The following MDC1 variants were observed in gnomAD, a reference collection of about 807,000 sequenced individuals.
MDC1 encodes mediator of DNA damage checkpoint protein 1.
A neutral mutation model predicts 142.5 loss-of-function variants in MDC1; 81 were observed. The ratio of observed to expected loss-of-function variants is 0.57; its 90% CI spans 0.47 to 0.68. The LOEUF (loss-of-function observed/expected upper bound fraction) is 0.68, where lower values mean the gene tolerates loss of function less well. MDC1 is among the 30% of genes least tolerant of loss of function. The pLI, the probability that MDC1 is intolerant of heterozygous loss-of-function variation, is 0.00. For missense variants in MDC1, 2,119 were observed against 2,547.9 expected (o/e 0.83, Z 3.62); for synonymous variants, 797 against 968.4 (o/e 0.82, Z 3.29).
chr6:30,707,329 T>C (rs749331948), intron 9 of MDC1, 55 bp downstream of exon 9: 6 of 1,526,058 alleles, frequency 3.9e-6, no homozygotes, highest in Non-Finnish European at 4.5e-6. Flanking sequence ...GAAAGAGCAT[T>C]GGAGAAGATA....
chr6:30,714,248 C>A, intron 2 of MDC1, 65 bp from the exon 3 acceptor site: 1 of 1,502,386 alleles, frequency 6.7e-7, no homozygotes, highest in Non-Finnish European at 8.9e-7. Flanking sequence ...GGAAAAAGTG[C>A]CTATTAGGTA....
chr6:30,712,518 G>C lies in MDC1; in HGVS notation c.1424C>G (p.Thr475Arg). ...TGCTCTAACAAGGGCTCTAATCTTT[G>C]TGTGATCCTTGAGGACAGCTTCTCT... is the stretch of plus-strand genomic sequence containing the variant. Reference protein sequence around the residue: ...ENREAVLKDHTKIRALVRAHS... With the variant: ...ENREAVLKDHRKIRALVRAHS... The change falls in exon 5 of 15, where the codon ACA (threonine) becomes AGA (arginine). Residue 475 changes from threonine to arginine, a missense_variant. By Grantham distance (71) the Thr-to-Arg change is moderately conservative. Transcript: ENST00000376406. The surrounding 1 kb of genome is among the most constrained non-coding windows in gnomAD (Gnocchi z 4.7). 9 of 1,612,994 alleles carry C rather than the reference G, an allele frequency of 5.6e-6. No individual in the cohort carries two copies. Among genetic ancestry groups the C allele is most frequent in the African/African-American group, 1.3e-5 (1 of 75,010 alleles).
rs780550450 is a variant in MDC1, at chr6:30,705,911, T to C, written c.3272A>G (p.Glu1091Gly). Reference sequence around the variant, plus strand: ...CTCCAGCTCTGAGGACAAGGGAGCCTCTGGAGCTTCCTGACTCCCATCTTG... The same window carrying C: ...CTCCAGCTCTGAGGACAAGGGAGCCCCTGGAGCTTCCTGACTCCCATCTTG... ...TRQDGSQEAP[E>G]APLSSELEPF... is the part of the protein sequence containing the mutation. Residue 1091 changes from glutamate (E) to glycine (G), a missense_variant, in exon 10 of 15, where the codon GAG (glutamate) becomes GGG (glycine). Coordinates refer to ENST00000376406, the MANE Select transcript of MDC1 (RefSeq NM_014641.3). 3 of 1,613,560 alleles carry C rather than the reference T, an allele frequency of 1.9e-6. No individual in the cohort carries two copies. Among genetic ancestry groups the C allele is most frequent in the Non-Finnish European group, 2.5e-6 (3 of 1,179,730 alleles).
rs1447078897 is a variant in MDC1, at chr6:30,702,573, T to C, written c.6082A>G (p.Ser2028Gly). 3 of 1,600,344 alleles carry C rather than the reference T, an allele frequency of 1.9e-6. No homozygotes were observed. Among genetic ancestry groups the C allele is most frequent in the Admixed American group, 3.5e-5 (2 of 57,880 alleles). ...ISCCGGTYLP[S>G]MPRSYKPQRV... ...CATACCTTATAGGACCGAGGCATGC[T>C]GGGTAGGTATGTGCCTCCACAGCAG... The change falls in exon 14 of 15, where the codon AGC (serine) becomes GGC (glycine). Residue 2028 changes from serine (S) to glycine (G), a missense_variant. Transcript: ENST00000376406.
Position 30,713,803 on chromosome 6 carries a change from C to T in MDC1, c.517G>A (p.Asp173Asn). ...TCTCCCTGCCAATATACAAACTTACCTACTTCCTCCTCCGAGTCCTCAGCC... is the reference window on the plus strand; with the variant it reads ...TCTCCCTGCCAATATACAAACTTACTTACTTCCTCCTCCGAGTCCTCAGCC... ...LLAEDSEEEV[D>N]FLSERRMVKK... Residue 173 changes from aspartate (D) to asparagine (N), a missense_variant and splice_region_variant, in exon 3 of 15, where the codon GAT (aspartate) becomes AAT (asparagine). Asp to Asn is a conservative substitution (Grantham distance 23). Transcript: ENST00000376406. This position sits in a 1 kb window ranked among gnomAD's most constrained non-coding sequence, Gnocchi z 4.9. 1 of 1,613,816 alleles carries T rather than the reference C, an allele frequency of 6.2e-7. No homozygotes were observed. Among genetic ancestry groups the T allele is most frequent in the Non-Finnish European group, 8.5e-7 (1 of 1,179,786 alleles).
In MDC1 at chr6:30,714,219, G is replaced by A. The variant is rs775946276; in HGVS notation, c.137-36C>T. On this transcript the variant is annotated intron_variant, in intron 2 of 14. Coordinates refer to ENST00000376406, the MANE Select transcript of MDC1 (RefSeq NM_014641.3). Reference sequence around the variant, plus strand: ...GAGAGGTAGATAAGCTCCAAGATCAGAGTCCTGGCCTGTCATTAGGAAAAA... The same window carrying A: ...GAGAGGTAGATAAGCTCCAAGATCAAAGTCCTGGCCTGTCATTAGGAAAAA... 6 of 1,576,964 alleles carry A rather than the reference G, an allele frequency of 3.8e-6. No homozygotes were observed. The East Asian group carries it at 1.3e-4, about 35-fold the overall frequency.
chr6:30,713,461 TTC>T lies in MDC1; in HGVS notation c.588-109_588-108del, dbSNP rs1775215894. On this transcript the variant is annotated intron_variant, in intron 4 of 14. Coordinates refer to ENST00000376406, the MANE Select transcript of MDC1 (RefSeq NM_014641.3). The surrounding 1 kb of genome is among the most constrained non-coding windows in gnomAD (Gnocchi z 4.9). Reference sequence around the variant, plus strand: ...GAGACACAAGGTAGCATATTTCTTCTTCTGTTTCCAATTTGTTTTCCACTTGG... The same window carrying T: ...GAGACACAAGGTAGCATATTTCTTCTTGTTTCCAATTTGTTTTCCACTTGG... 7.4e-7 allele frequency: 1 copy of T among 1,354,530 alleles called. No homozygotes were observed. Among genetic ancestry groups the T allele is most frequent in the Non-Finnish European group, 9.9e-7 (1 of 1,010,780 alleles). 83.9% of individuals were successfully genotyped at this position (1,354,530 alleles called of 1,614,324 possible).
At chr6:30,714,239 G>C in intron 2 of MDC1, 56 bp from the exon 3 acceptor site, 2 of 1,526,370 alleles carry the variant, frequency 1.3e-6, no homozygotes, top group South Asian at 2.5e-5. Flanking sequence ...CTGTCATTAG[G>C]AAAAAGTGCC....
At position 30,717,233 on chromosome 6, in the gene MDC1, C is replaced by G. The variant is rs562718106; in HGVS notation, c.-4+12G>C. The G allele has an allele frequency of 6.6e-6, 1 of 152,340 alleles. No homozygotes were observed. The highest frequency in any genetic ancestry group is 2.4e-5 in the African/African-American group (1 of 41,578). The allele number at this position is 152,340 out of a possible 1,614,324, so 9.4% of individuals were successfully genotyped here. ...CTCCCGGGGAGCCGTGGGCCAGGCC[C>G]CTAGAACTCACCTACTTTAAGTCCC... On this transcript the variant is annotated intron_variant, in intron 1 of 14. Coordinates refer to ENST00000376406, the MANE Select transcript of MDC1 (RefSeq NM_014641.3).
chr6:30,704,505 T>C lies in MDC1; in HGVS notation c.4678A>G (p.Thr1560Ala), dbSNP rs1389806268. 2 of 1,612,908 alleles carry C rather than the reference T, an allele frequency of 1.2e-6. No homozygotes were observed. The highest frequency in any genetic ancestry group is 2.2e-5 in the South Asian group (2 of 90,988). Residue 1560 changes from threonine to alanine, a missense_variant, in exon 10 of 15, where the codon ACA becomes GCA. Transcript: ENST00000376406. ...EPTSRATRGR[T>A]NRSSVKTPES... ...GGGGTCTTGACAGAGGACCTATTTG[T>C]CCTGCCCCTAGTGGCCCGAGATGTG...
In MDC1 at chr6:30,713,792, T is replaced by G; in HGVS notation, c.517+11A>C. On this transcript the variant is annotated intron_variant, in intron 3 of 14. Coordinates refer to ENST00000376406, the MANE Select transcript of MDC1 (RefSeq NM_014641.3). The surrounding 1 kb of genome is among the most constrained non-coding windows in gnomAD (Gnocchi z 4.9). ...TGTCTCCTCATTCTCCCTGCCAATATACAAACTTACCTACTTCCTCCTCCG... is the reference window on the plus strand; with the variant it reads ...TGTCTCCTCATTCTCCCTGCCAATAGACAAACTTACCTACTTCCTCCTCCG... The G allele has an allele frequency of 6.2e-7, 1 of 1,613,824 alleles. No individual in the cohort carries two copies. Among genetic ancestry groups the G allele is most frequent in the Non-Finnish European group, 8.5e-7 (1 of 1,179,740 alleles).
chr6:30,706,102 G>A lies in MDC1; in HGVS notation c.3085-4C>T. 6.4e-7 allele frequency: 1 copy of A among 1,555,684 alleles called. No homozygotes were observed. Among genetic ancestry groups the A allele is most frequent in the Non-Finnish European group, 8.6e-7 (1 of 1,160,990 alleles). On this transcript the variant is annotated splice_polypyrimidine_tract_variant and splice_region_variant and intron_variant, in intron 9 of 14. Coordinates refer to ENST00000376406, the MANE Select transcript of MDC1 (RefSeq NM_014641.3). ...CATCTGGAGATTCCTGATCGCCCTA[G>A]GGAGAAACAGAAGCAAGTGAGGGGG...
chr6:30,710,348 C>T (rs1423380516), intron 7 of MDC1, among the ~76,000 whole-genome samples: 1 of 152,194 alleles, frequency 6.6e-6, no homozygotes, highest in African/African-American at 2.4e-5. Context: ...TTCGGCTTCC[C>T]AAAGTGCTGG....
At chr6:30,714,259 C>A in intron 2 of MDC1, 76 bp from the exon 3 acceptor site, 1 of 1,438,224 alleles carries the variant, frequency 7.0e-7, no homozygotes. Context: ...CTATTAGGTA[C>A]TCTACTACTC....
In MDC1 at chr6:30,707,774, C is replaced by G; in HGVS notation, c.2805G>C (p.Glu935Asp). The G allele has an allele frequency of 6.2e-7, 1 of 1,613,138 alleles. No homozygotes were observed. Among genetic ancestry groups the G allele is most frequent in the Non-Finnish European group, 8.5e-7 (1 of 1,180,040 alleles). Residue 935 changes from glutamate to aspartate, a missense_variant, in exon 8 of 15, where the codon GAG becomes GAC. Transcript: ENST00000376406. ...NRECDPAELE[E>D]KVPKVILERD... Reference sequence around the variant, plus strand: ...TCTCCAGGATCACTTTGGGCACCTTCTCTTCTAACTCGGCTGGATCGCACT... The same window carrying G: ...TCTCCAGGATCACTTTGGGCACCTTGTCTTCTAACTCGGCTGGATCGCACT...
rs1477826307 is a variant in MDC1, at chr6:30,713,760, T to C, written c.517+43A>G. 5 of 1,613,698 alleles carry C rather than the reference T, an allele frequency of 3.1e-6. No homozygotes were observed. Among genetic ancestry groups the C allele is most frequent in the Non-Finnish European group, 4.2e-6 (5 of 1,179,746 alleles). On this transcript the variant is annotated intron_variant, in intron 3 of 14. Transcript: ENST00000376406. This position sits in a 1 kb window ranked among gnomAD's most constrained non-coding sequence, Gnocchi z 4.9. ...GAATGAGTTGACAATTGTACACTCA[T>C]TATTCCTGTCTCCTCATTCTCCCTG...
chr6:30,712,215 T>A lies in MDC1; in HGVS notation c.1727A>T (p.Asp576Val). ...SLEEAWPLHG[D>V]CETDAEEGTS... ...GCCCTCCTCTGCATCTGTTTCACAG[T>A]CCCCATGCAGAGGCCAGGCTTCCTC... Residue 576 changes from aspartate to valine, a missense_variant, in exon 5 of 15, where the codon GAC becomes GTC. Transcript: ENST00000376406. This position sits in a 1 kb window ranked among gnomAD's most constrained non-coding sequence, Gnocchi z 4.7. 1 of 1,612,916 alleles carries A rather than the reference T, an allele frequency of 6.2e-7. No individual in the cohort carries two copies. Among genetic ancestry groups the A allele is most frequent in the Non-Finnish European group, 8.5e-7 (1 of 1,179,958 alleles).
intron 14 of MDC1, 56 bp downstream of exon 14, chr6:30,702,497 C>A: frequency 1.5e-6 from 2 of 1,369,764 alleles, no homozygotes; most frequent in Non-Finnish European, 2.0e-6. Context: ...GCCATTCCAG[C>A]CACCTCTTTA....
chr6:30,706,827 G>A (rs1178388961), intron 9 of MDC1, among the ~76,000 whole-genome samples: 1 of 149,860 alleles, frequency 6.7e-6, no homozygotes, highest in Non-Finnish European at 1.5e-5. Flanking sequence ...AAAATTAGCC[G>A]GGTGACATGC....
Sources: allele counts gnomAD v4.1 joint callset (sites outside exome capture counted in the v4.1 genomes callset), GRCh38; gene constraint gnomAD v4.1.1; non-coding constraint Gnocchi (gnomAD v3.1); transcripts MANE v1.5; gene names NCBI Gene and HGNC (gene_info 2026-07-23, HGNC 2026-07-21).